GALNT13: variants seen among roughly 807,000 people sequenced by gnomAD.
GALNT13 encodes UDP-GalNAc:polypeptide N-acetylgalactosaminyltransferase 13.
GALNT13 carries 28 observed loss-of-function variants against 64.2 expected under a neutral mutation model. That is an observed-to-expected ratio of 0.44 (90% CI 0.32 to 0.60). GALNT13 has a LOEUF of 0.60. Among genes scored for constraint, GALNT13 ranks in the 20% least tolerant of loss-of-function variants. GALNT13 has a pLI of 0.05. For synonymous variants in GALNT13, 214 were observed against 224.6 expected (o/e 0.95, Z 0.42); for missense variants, 577 against 669.8 (o/e 0.86, Z 1.53).
intron 3 of GALNT13, among the ~76,000 whole-genome samples, chr2:154,110,890 C>A (rs1171202229): frequency 3.3e-5 from 5 of 152,180 alleles, no homozygotes; most frequent in Non-Finnish European, 7.3e-5. Context: ...TTACTCCTAA[C>A]ATAATACCTT....
the GALNT13 span, among the ~76,000 whole-genome samples, chr2:153,441,431 A>G: frequency 6.6e-6 from 1 of 152,028 alleles, no homozygotes; most frequent in Non-Finnish European, 1.5e-5. Context: ...GGCTATACAC[A>G]CTGTTATTTG....
At chr2:153,326,965 T>C in the GALNT13 span, among the ~76,000 whole-genome samples, 1 of 152,022 alleles carries the variant, frequency 6.6e-6, no homozygotes, top group African/African-American at 2.4e-5. Flanking sequence ...GCGCCTGTAA[T>C]TGCAGCTACT....
chr2:154,393,423 A>G (rs1698889841), intron 9 of GALNT13, among the ~76,000 whole-genome samples: 1 of 152,166 alleles, frequency 6.6e-6, no homozygotes, highest in African/African-American at 2.4e-5. Flanking sequence ...GACCAGTTAG[A>G]TGTCCTTACC....
At chr2:154,206,028 G>T (rs1687426745) in intron 4 of GALNT13, among the ~76,000 whole-genome samples, 1 of 151,556 alleles carries the variant, frequency 6.6e-6, no homozygotes, top group African/African-American at 2.4e-5. Context: ...GATAGAGTCT[G>T]GCTCTGTCAC....
the GALNT13 span, among the ~76,000 whole-genome samples, chr2:153,780,022 A>C: frequency 6.6e-6 from 1 of 151,820 alleles, no homozygotes; most frequent in Non-Finnish European, 1.5e-5. Flanking sequence ...TCAGCAAGAC[A>C]CCATCAGAGT....
At position 153,876,509 on chromosome 2, in the gene GALNT13, A is replaced by G. The variant is rs147181463; in HGVS notation, c.-177+4206A>G. Reference sequence around the variant, plus strand: ...AATAGTCATCCGTTTGGGGCATTATAAACAATTATATCTAGTTTTTGGGAG... The same window carrying G: ...AATAGTCATCCGTTTGGGGCATTATGAACAATTATATCTAGTTTTTGGGAG... On this transcript the variant is annotated intron_variant, in intron 1 of 12. Transcript: ENST00000392825. Among the ~76,000 whole-genome samples the G allele has an allele frequency of 5.4e-3, 816 of 152,282 alleles. 5 individuals are homozygous for G. The highest frequency in any genetic ancestry group is 0.018 in the African/African-American group (749 of 41,554).
chr2:153,264,263 C>T, the GALNT13 span, among the ~76,000 whole-genome samples: 4 of 151,756 alleles, frequency 2.6e-5, no homozygotes, highest in Non-Finnish European at 5.9e-5. Flanking sequence ...GTTTGAATGG[C>T]GACTATTAAA....
At chr2:154,252,495 T>C (rs1573958158) in intron 7 of GALNT13, among the ~76,000 whole-genome samples, 1 of 151,744 alleles carries the variant, frequency 6.6e-6, no homozygotes, top group Non-Finnish European at 1.5e-5. Flanking sequence ...TAGCTGGGAC[T>C]ACAGGTGCCC....
At chr2:153,401,783 A>T in the GALNT13 span, among the ~76,000 whole-genome samples, 1 of 151,106 alleles carries the variant, frequency 6.6e-6, no homozygotes, top group East Asian at 1.9e-4. Context: ...TGCTTGGTAG[A>T]TCTTTCTCCA....
chr2:153,735,020 CCAGA>C, the GALNT13 span, among the ~76,000 whole-genome samples: 7 of 152,078 alleles, frequency 4.6e-5, no homozygotes, highest in Non-Finnish European at 8.8e-5. Flanking sequence ...TTCCTGGCTG[CCAGA>C]CAAAGTGAAA....
At chr2:154,103,678 A>G (rs1702461950) in intron 3 of GALNT13, among the ~76,000 whole-genome samples, 1 of 152,080 alleles carries the variant, frequency 6.6e-6, no homozygotes, top group African/African-American at 2.4e-5. Context: ...TGTGGATATC[A>G]CTGTAGGGTA....
At chr2:154,359,283 G>A (rs1390133340) in intron 9 of GALNT13, among the ~76,000 whole-genome samples, 1 of 151,980 alleles carries the variant, frequency 6.6e-6, no homozygotes, top group Non-Finnish European at 1.5e-5. Flanking sequence ...TAGCCACTAG[G>A]GAAAACTGAG....
At chr2:153,175,533 T>A in the GALNT13 span, among the ~76,000 whole-genome samples, 93,653 of 152,042 alleles carry the variant, frequency 0.62, 29,691 homozygotes, top group East Asian at 0.83. Flanking sequence ...TTCTTCTGTC[T>A]TGCTATCTAA....
At chr2:153,247,817 T>A in the GALNT13 span, among the ~76,000 whole-genome samples, 15 of 151,898 alleles carry the variant, frequency 9.9e-5, no homozygotes, top group East Asian at 2.3e-3. Context: ...TAGACCACTA[T>A]CTAAACTAAT....
chr2:153,399,639 C>T, the GALNT13 span, among the ~76,000 whole-genome samples: 1 of 151,764 alleles, frequency 6.6e-6, no homozygotes, highest in Non-Finnish European at 1.5e-5. Flanking sequence ...AGGTCCTTCA[C>T]ATCCCTTGTA....
At chr2:153,848,339 A>AGGGAT in the GALNT13 span, among the ~76,000 whole-genome samples, 1 of 152,190 alleles carries the variant, frequency 6.6e-6, no homozygotes, top group East Asian at 1.9e-4. Flanking sequence ...GCATGGTAAA[A>AGGGAT]GGGATACAAG....
intron 3 of GALNT13, among the ~76,000 whole-genome samples, chr2:154,041,612 A>T (rs1287331113): frequency 5.0e-5 from 7 of 140,884 alleles, no homozygotes; most frequent in Admixed American, 2.1e-4. Flanking sequence ...AGAAGTTCAG[A>T]GTTCCTTCAG....
At chr2:154,433,709 A>G (rs1332929368) in intron 11 of GALNT13, among the ~76,000 whole-genome samples, 3 of 151,066 alleles carry the variant, frequency 2.0e-5, no homozygotes, top group Non-Finnish European at 4.4e-5. Context: ...AGTATATTCT[A>G]ATTTCTGAAT....
the GALNT13 span, among the ~76,000 whole-genome samples, chr2:153,277,942 T>TTTTTTTTTTTTG: frequency 7.6e-6 from 1 of 131,246 alleles, no homozygotes; most frequent in Admixed American, 7.8e-5. Context: ...TTTTTTTTTT[T>TTTTTTTTTTTTG]TTGAGACAGA....
Sources: gnomAD v4.1 joint callset for allele counts (sites outside exome capture counted in the v4.1 genomes callset) on GRCh38, gnomAD v4.1.1 for gene constraint, MANE v1.5 for transcripts, NCBI Gene and HGNC (gene_info 2026-07-23, HGNC 2026-07-21) for gene names.